The following ADAMTS12 variants were observed in gnomAD, a reference collection of about 807,000 sequenced individuals.
ADAMTS12 encodes the protein ADAM metallopeptidase with thrombospondin type 1 motif 12.
ADAMTS12 carries 118 observed loss-of-function variants against 167.8 expected under a neutral mutation model. The observed-to-expected ratio is 0.70, with a 90% CI of 0.61 to 0.82. The LOEUF (loss-of-function observed/expected upper bound fraction) is 0.82, where lower values mean the gene tolerates loss of function less well. Among genes scored for constraint, ADAMTS12 ranks in the 40% least tolerant of loss-of-function variants. The pLI, the probability that ADAMTS12 is intolerant of heterozygous loss-of-function variation, is 0.00. For missense variants in ADAMTS12, 1,916 were observed against 1,998.8 expected, an observed-to-expected ratio of 0.96 and a Z score of 0.79; for synonymous variants, 704 against 716.9, an observed-to-expected ratio of 0.98 and a Z score of 0.29.
At chr5:33,612,903 T>G (rs1738800440) in intron 16 of ADAMTS12, among the ~76,000 whole-genome samples, 1 of 152,246 alleles carries the variant, frequency 6.6e-6, no homozygotes, top group African/African-American at 2.4e-5. Context: ...ATCACATAAT[T>G]TAATTTTATT....
intron 2 of ADAMTS12, among the ~76,000 whole-genome samples, chr5:33,825,865 T>A (rs565864572): frequency 6.6e-6 from 1 of 152,188 alleles, no homozygotes; most frequent in Non-Finnish European, 1.5e-5. Flanking sequence ...ATTCTTGTCA[T>A]GTGGTTCCTC....
intron 13 of ADAMTS12, among the ~76,000 whole-genome samples, chr5:33,629,261 T>A (rs1366257561): frequency 6.6e-6 from 1 of 152,104 alleles, no homozygotes; most frequent in African/African-American, 2.4e-5. Flanking sequence ...ATAAAATAAA[T>A]GAAAAAGCAA....
chr5:33,624,347 A>G lies in ADAMTS12; in HGVS notation c.2027T>C (p.Val676Ala). 1.2e-6 allele frequency: 2 copies of G among 1,613,938 alleles called. No individual in the cohort carries two copies. The highest frequency in any genetic ancestry group is 8.5e-7 in the Non-Finnish European group (1 of 1,179,880). The stretch of plus-strand genomic sequence containing the variant: ...GGAATCGATCTCATAGTCACAGCCA[A>G]CCATCTGTGGGGAAGAGAGGTGGAG... ...NVCINGICKM[V>A]GCDYEIDSNA... Residue 676 changes from valine to alanine, a missense_variant, in exon 14 of 24, where the codon GTT becomes GCT. Transcript: ENST00000504830.
rs948319726 is a variant in ADAMTS12 at position 33,534,939 on chromosome 5, G to C, written c.4500C>G (p.Pro1500=). The part of the protein sequence containing the change: ...GFQKRTVQCV[P]SEGNKTEDQD... The stretch of plus-strand genomic sequence containing the variant: ...GGTCTTCAGTTTTATTGCCCTCTGA[G>C]GGCACACATTGGACAGTCCTCTTCT... The change falls in exon 23 of 24, where the codon CCC becomes CCG. Residue 1500 remains proline (P), a synonymous_variant. Coordinates refer to ENST00000504830, the MANE Select transcript of ADAMTS12 (RefSeq NM_030955.4). 6.2e-7 allele frequency: 1 copy of C among 1,613,786 alleles called. No homozygotes were observed. The highest frequency in any genetic ancestry group is 1.3e-5 in the African/African-American group (1 of 74,894).
rs1366138347 is a variant in ADAMTS12, at chr5:33,723,492, GTTCT to G, written c.634+27908_634+27911del. Among the ~76,000 whole-genome samples, 8 of 152,214 alleles carry G rather than the reference GTTCT, an allele frequency of 5.3e-5. No homozygotes were observed. The East Asian group carries it at 1.4e-3, about 26-fold the overall frequency. On this transcript the variant is annotated intron_variant, in intron 3 of 23. Coordinates refer to ENST00000504830, the MANE Select transcript of ADAMTS12 (RefSeq NM_030955.4). ...GCTTGGCCTCATGGTTCTCCACATT[GTTCT>G]TTCTTTAACAGGGTAGGGGAGAAAC...
rs762848566 is a variant in ADAMTS12, at chr5:33,534,880, G to A, written c.4559C>T (p.Pro1520Leu). The change falls in exon 23 of 24, where the codon CCT becomes CTT. Residue 1520 changes from proline (P) to leucine (L), a missense_variant. Transcript: ENST00000504830. Reference protein sequence around the residue: ...DQCLCDHKPRPPEFKKCNQQA... With the variant: ...DQCLCDHKPRLPEFKKCNQQA... ...CTGGTTGCATTTTTTGAATTCTGGA[G>A]GTCTGGGTTTGTGATCACATAGACA... 6.2e-7 allele frequency: 1 copy of A among 1,614,028 alleles called. No individual in the cohort carries two copies. Among genetic ancestry groups the A allele is most frequent in the Non-Finnish European group, 8.5e-7 (1 of 1,179,998 alleles).
At chr5:33,623,052 G>A (rs1221322081) in intron 14 of ADAMTS12, among the ~76,000 whole-genome samples, 1 of 152,094 alleles carries the variant, frequency 6.6e-6, no homozygotes, top group Non-Finnish European at 1.5e-5. Flanking sequence ...GATTACTAGG[G>A]AACAATAGGT....
chr5:33,546,449 G>A (rs1407868289), intron 21 of ADAMTS12, among the ~76,000 whole-genome samples: 1 of 151,908 alleles, frequency 6.6e-6, no homozygotes, highest in East Asian at 1.9e-4. Flanking sequence ...GAAGATATAA[G>A]GAGGAGAAAA....
At chr5:33,613,933 C>T (rs951438317) in intron 16 of ADAMTS12, among the ~76,000 whole-genome samples, 29 of 152,210 alleles carry the variant, frequency 1.9e-4, no homozygotes, top group African/African-American at 6.8e-4. Flanking sequence ...AGGTTCTCAA[C>T]CAGAGCATTG....
intron 2 of ADAMTS12, among the ~76,000 whole-genome samples, chr5:33,831,870 G>C (rs1392582394): frequency 6.6e-6 from 1 of 152,192 alleles, no homozygotes; most frequent in Non-Finnish European, 1.5e-5. Context: ...CTATGGCCGA[G>C]GCCACTGCAG....
At chr5:33,582,421 C>T (rs772672498) in intron 18 of ADAMTS12, among the ~76,000 whole-genome samples, 8 of 152,324 alleles carry the variant, frequency 5.3e-5, no homozygotes, top group Admixed American at 1.3e-4. Flanking sequence ...CTCAAAAATG[C>T]CCCTATCCCT....
At chr5:33,847,071 C>T (rs1454885296) in intron 2 of ADAMTS12, among the ~76,000 whole-genome samples, 3 of 152,162 alleles carry the variant, frequency 2.0e-5, no homozygotes, top group Non-Finnish European at 4.4e-5. Flanking sequence ...CAAACAACTT[C>T]GTGGGGGTCT....
rs141717162 is a variant in ADAMTS12, at chr5:33,576,096, G to A, written c.3930C>T (p.Asn1310=). 91 of 1,613,934 alleles carry A rather than the reference G, an allele frequency of 5.6e-5. No individual in the cohort carries two copies. The highest frequency in any genetic ancestry group is 7.3e-5 in the Non-Finnish European group (86 of 1,180,026). Residue 1310 remains asparagine, a synonymous_variant, in exon 19 of 24, where the codon AAC becomes AAT. Transcript: ENST00000504830. ...CGATCCAGTGTGCAGAGCCGTGGCC[G>A]TTTGTGAGCTGCTTGTAATTGGAGG... The part of the protein sequence containing the change: ...LNASNYKQLT[N]GHGSAHWIVG...
chr5:33,599,429 C>G (rs1330627946), intron 16 of ADAMTS12, among the ~76,000 whole-genome samples: 1 of 152,212 alleles, frequency 6.6e-6, no homozygotes, highest in Non-Finnish European at 1.5e-5. Context: ...TCCAGATCCA[C>G]TGTGCCCCCT....
intron 2 of ADAMTS12, among the ~76,000 whole-genome samples, chr5:33,861,058 G>A (rs961512193): frequency 5.9e-5 from 9 of 152,162 alleles, no homozygotes; most frequent in African/African-American, 2.2e-4. Context: ...GGAAAAACCG[G>A]TGTCAGCCAC....
At chr5:33,873,944 TA>T (rs1337377510) in intron 2 of ADAMTS12, among the ~76,000 whole-genome samples, 1 of 152,110 alleles carries the variant, frequency 6.6e-6, no homozygotes, top group African/African-American at 2.4e-5. Flanking sequence ...ATGACAGAGT[TA>T]AATGTACAAT....
At chr5:33,636,847 C>G (rs1740222489) in intron 12 of ADAMTS12, among the ~76,000 whole-genome samples, 1 of 152,172 alleles carries the variant, frequency 6.6e-6, no homozygotes, top group Non-Finnish European at 1.5e-5. Flanking sequence ...GATTCTTCTT[C>G]ATTTTAAGGA....
At chr5:33,600,762 A>C (rs1738148799) in intron 16 of ADAMTS12, among the ~76,000 whole-genome samples, 1 of 152,208 alleles carries the variant, frequency 6.6e-6, no homozygotes, top group Non-Finnish European at 1.5e-5. Context: ...AATCCTCCCC[A>C]AATTAGACAT....
At chr5:33,619,089 A>G (rs1024774653) in intron 14 of ADAMTS12, among the ~76,000 whole-genome samples, 3 of 152,188 alleles carry the variant, frequency 2.0e-5, no homozygotes, top group African/African-American at 7.2e-5. Flanking sequence ...ATGGGTAGCC[A>G]GGGGCATTGT....
Sources: gnomAD v4.1 joint callset for allele counts (sites outside exome capture counted in the v4.1 genomes callset) on GRCh38, gnomAD v4.1.1 for gene constraint, MANE v1.5 for transcripts, NCBI Gene and HGNC (gene_info 2026-07-23, HGNC 2026-07-21) for gene names.